Variants in LRRC28 observed in about 807,000 individuals in gnomAD.
LRRC28 encodes leucine-rich repeat-containing protein 28.
In LRRC28, 39 loss-of-function variants were observed where a neutral mutation model predicts 45.7. The observed-to-expected ratio is 0.85, with a 90% CI of 0.66 to 1.12. The LOEUF is 1.12. Among genes scored for constraint, LRRC28 ranks in the 50% most tolerant of loss-of-function variants. LRRC28 has a pLI of 0.00. For synonymous variants in LRRC28, 206 were observed against 178.8 expected (o/e 1.15, Z -1.22); for missense variants, 435 against 438.5 (o/e 0.99, Z 0.07).
chr15:99,379,604 G>A (rs1272189112), intron 9 of LRRC28, among the ~76,000 whole-genome samples: 1 of 152,058 alleles, frequency 6.6e-6, no homozygotes, highest in Non-Finnish European at 1.5e-5. Flanking sequence ...GTTTGCTCTT[G>A]CTTCTCTAAT....
At chr15:99,256,822 G>C (rs1174574625) in intron 2 of LRRC28, among the ~76,000 whole-genome samples, 2 of 152,152 alleles carry the variant, frequency 1.3e-5, no homozygotes, top group African/African-American at 2.4e-5. Flanking sequence ...TCCAAATCAA[G>C]CTTTTTATTC....
At chr15:99,372,656 G>T (rs114791745) in intron 9 of LRRC28, among the ~76,000 whole-genome samples, 1 of 152,106 alleles carries the variant, frequency 6.6e-6, no homozygotes, top group Non-Finnish European at 1.5e-5. Context: ...CTCCACCCCC[G>T]TGAGCTTCAT....
chr15:99,352,952 T>C (rs1194013882), intron 7 of LRRC28, among the ~76,000 whole-genome samples: 1 of 152,176 alleles, frequency 6.6e-6, no homozygotes, highest in East Asian at 1.9e-4. Flanking sequence ...GTTGGAAATA[T>C]TTAGAACTCA....
chr15:99,378,305 A>G (rs1274913244), intron 9 of LRRC28, among the ~76,000 whole-genome samples: 4 of 152,318 alleles, frequency 2.6e-5, no homozygotes, highest in African/African-American at 4.8e-5. Flanking sequence ...CTTTGAAGCA[A>G]TTGTGAATGG....
At chr15:99,349,908 G>A (rs111375881) in intron 6 of LRRC28, among the ~76,000 whole-genome samples, 2,763 of 151,666 alleles carry the variant, frequency 0.018, 81 homozygotes, top group African/African-American at 0.063. Flanking sequence ...AGGCCGAGGC[G>A]GGTGGATCAT....
intron 7 of LRRC28, chr15:99,355,465 C>T (rs1957019899): frequency 6.6e-6 from 1 of 152,194 alleles, no homozygotes; most frequent in South Asian, 2.1e-4. Flanking sequence ...GAGCGAGGAC[C>T]ATTGGGGGCC....
At chr15:99,357,927 G>A (rs1443317423) in intron 7 of LRRC28, among the ~76,000 whole-genome samples, 1 of 151,850 alleles carries the variant, frequency 6.6e-6, no homozygotes, top group Non-Finnish European at 1.5e-5. Flanking sequence ...AGGAGTGAGG[G>A]CCCACTGTCA....
At chr15:99,325,228 A>T (rs1449385348) in intron 5 of LRRC28, among the ~76,000 whole-genome samples, 3 of 151,898 alleles carry the variant, frequency 2.0e-5, no homozygotes, top group Non-Finnish European at 4.4e-5. Context: ...TTAATTTTGG[A>T]ATTGTTTTTT....
intron 5 of LRRC28, among the ~76,000 whole-genome samples, chr15:99,330,166 C>G (rs1290524470): frequency 6.6e-6 from 1 of 152,016 alleles, no homozygotes; most frequent in Non-Finnish European, 1.5e-5. Context: ...AAATTTTACA[C>G]TTTATTGATT....
intron 2 of LRRC28, among the ~76,000 whole-genome samples, chr15:99,263,423 A>C (rs1234563209): frequency 1.3e-5 from 2 of 152,178 alleles, no homozygotes; most frequent in Admixed American, 1.3e-4. Flanking sequence ...TTTTAAATGC[A>C]ATTTAGGAAT....
chr15:99,266,143 A>G (rs1399227813), intron 2 of LRRC28, among the ~76,000 whole-genome samples: 1 of 152,190 alleles, frequency 6.6e-6, no homozygotes, highest in Non-Finnish European at 1.5e-5. Context: ...TAGTGAAGGA[A>G]AGAGAGATCT....
chr15:99,363,166 C>T lies in LRRC28; in HGVS notation c.932C>T (p.Pro311Leu), dbSNP rs1957251903. The T allele has an allele frequency of 6.2e-7, 1 of 1,614,042 alleles. No individual in the cohort carries two copies. The highest frequency in any genetic ancestry group is 8.5e-7 in the Non-Finnish European group (1 of 1,179,920). Residue 311 changes from proline to leucine, a missense_variant, in exon 9 of 10, where the codon CCT becomes CTT. Physicochemically the swap from Pro to Leu is moderately conservative, Grantham distance 98 (BLOSUM62 -3). Transcript: ENST00000301981. ...PRSLLELLHCPLGHCHRCSEP... is the reference protein window; with the variant it reads ...PRSLLELLHCLLGHCHRCSEP... ...AGTCTCCTAGAGCTGCTGCACTGCCCTCTGGGGCACTGTCATCGGTGTAGT... is the reference window on the plus strand; with the variant it reads ...AGTCTCCTAGAGCTGCTGCACTGCCTTCTGGGGCACTGTCATCGGTGTAGT...
intron 5 of LRRC28, among the ~76,000 whole-genome samples, chr15:99,290,421 A>G (rs1487617238): frequency 1.3e-5 from 2 of 152,176 alleles, no homozygotes; most frequent in Non-Finnish European, 2.9e-5. Flanking sequence ...TTTATTGTAT[A>G]TCATCAGGCC....
At chr15:99,342,734 C>T (rs541298684) in intron 6 of LRRC28, among the ~76,000 whole-genome samples, 1 of 152,284 alleles carries the variant, frequency 6.6e-6, no homozygotes, top group East Asian at 1.9e-4. Flanking sequence ...TTTAAACCCA[C>T]AGCAAAGGAA....
rs533156697 is a variant in LRRC28, at chr15:99,312,857, T to C, written c.386-21066T>C. 3.3e-5 allele frequency among the ~76,000 whole-genome samples: 5 copies of C among 152,232 alleles called. No homozygotes were observed. In the South Asian group the frequency reaches 6.2e-4, roughly 19 times the overall value. On this transcript the variant is annotated intron_variant, in intron 5 of 9. Transcript: ENST00000301981. Reference sequence around the variant, plus strand: ...GTTCATGACTGTATGAGATAAAAAATAGAATGGAAAAACAGAGACACAAAA... The same window carrying C: ...GTTCATGACTGTATGAGATAAAAAACAGAATGGAAAAACAGAGACACAAAA...
intron 5 of LRRC28, among the ~76,000 whole-genome samples, chr15:99,329,034 G>T (rs1009156587): frequency 6.6e-6 from 1 of 151,884 alleles, no homozygotes; most frequent in Non-Finnish European, 1.5e-5. Flanking sequence ...TATCTTATTG[G>T]TTCTGTCTCT....
intron 7 of LRRC28, among the ~76,000 whole-genome samples, chr15:99,360,205 C>T (rs1957163440): frequency 2.0e-5 from 3 of 152,094 alleles, no homozygotes; most frequent in African/African-American, 7.2e-5. Context: ...AAGACGTAGC[C>T]ATATTCTTTC....
chr15:99,286,089 T>A lies in LRRC28; in HGVS notation c.210-1168T>A, dbSNP rs534101351. Among the ~76,000 whole-genome samples, 4 of 152,346 alleles carry A rather than the reference T, an allele frequency of 2.6e-5. No homozygotes were observed. The South Asian group carries it at 8.3e-4, about 32-fold the overall frequency. On this transcript the variant is annotated intron_variant, in intron 3 of 9. Transcript: ENST00000301981. ...GACTTTAAGAATGCAGAAGAAAACTTCTGAATTCTATTTAAAAGTACTTTA... is the reference window on the plus strand; with the variant it reads ...GACTTTAAGAATGCAGAAGAAAACTACTGAATTCTATTTAAAAGTACTTTA...
chr15:99,347,490 GA>G (rs1027896091), intron 6 of LRRC28, among the ~76,000 whole-genome samples: 4 of 152,054 alleles, frequency 2.6e-5, no homozygotes, highest in Admixed American at 2.6e-4. Context: ...TACAGGCATG[GA>G]GCTCTTTTTA....
Sources: gnomAD v4.1 joint callset for allele counts (sites outside exome capture counted in the v4.1 genomes callset) on GRCh38, gnomAD v4.1.1 for gene constraint, MANE v1.5 for transcripts, NCBI Gene and HGNC (gene_info 2026-07-23, HGNC 2026-07-21) for gene names.